Variants in SMOC1 observed in about 807,000 individuals in gnomAD.
SMOC1 encodes SPARC-related modular calcium-binding protein 1.
In SMOC1, 22 loss-of-function variants were observed where a neutral mutation model predicts 56.3. That is an observed-to-expected ratio of 0.39 (90% CI 0.28 to 0.56). The LOEUF is 0.56. SMOC1 is among the 20% of genes least tolerant of loss of function. The probability of loss-of-function intolerance (pLI) is 0.61; values close to 1 mark genes in which losing one functional copy is unlikely to be tolerated. For missense variants in SMOC1, 509 were observed against 565.4 expected, an observed-to-expected ratio of 0.90 and a Z score of 1.01; for synonymous variants, 193 against 215.0, an observed-to-expected ratio of 0.90 and a Z score of 0.89.
rs769437316 is a variant in SMOC1 at position 69,879,746 on chromosome 14, C to T, written c.68C>T (p.Pro23Leu). Residue 23 changes from proline (P) to leucine (L), a missense_variant, in exon 1 of 12, where the codon CCT (proline) becomes CTT (leucine). This residue lies in a region of SMOC1 where 315 missense variants were observed against 333.1 expected (regional missense o/e 0.95). Coordinates refer to ENST00000361956, the MANE Select transcript of SMOC1 (RefSeq NM_001034852.3). ...CTGCTGGTGTTGGTGCAGCTGTCCC[C>T]TGCTCGCGGCCACCGCACCACAGGC... ...HLLLVLVQLS[P>L]ARGHRTTGPR... is the part of the protein sequence containing the mutation. The T allele has an allele frequency of 5.6e-6, 9 of 1,593,020 alleles. No homozygotes were observed. Among genetic ancestry groups the T allele is most frequent in the African/African-American group, 1.3e-5 (1 of 74,590 alleles).
chr14:69,975,691 T>A, intron 3 of SMOC1, 24 bp from the exon 4 acceptor site: 1 of 1,564,184 alleles, frequency 6.4e-7, no homozygotes, highest in Non-Finnish European at 8.8e-7. Flanking sequence ...TATGGTTTTC[T>A]TCCCTTTTCA....
intron 1 of SMOC1, among the ~76,000 whole-genome samples, chr14:69,890,204 C>T (rs906382436): frequency 2.0e-5 from 3 of 152,080 alleles, no homozygotes; most frequent in African/African-American, 7.2e-5. Flanking sequence ...ATGATGAAGT[C>T]GCTTAATTTT....
At position 69,903,340 on chromosome 14, in the gene SMOC1, G is replaced by A. The variant is rs571334470; in HGVS notation, c.99+23563G>A. Among the ~76,000 whole-genome samples the A allele has an allele frequency of 1.2e-3, 179 of 151,806 alleles. 2 individuals carry two copies. Among genetic ancestry groups the A allele is most frequent in the East Asian group, 5.1e-3 (26 of 5,130 alleles). On this transcript the variant is annotated intron_variant, in intron 1 of 11. Transcript: ENST00000361956. Reference sequence around the variant, plus strand: ...TGAGAACTGAGGAGCCCCTCCGCCCGGCAGCCGCTCCGTCTGAGAAGTGAG... The same window carrying A: ...TGAGAACTGAGGAGCCCCTCCGCCCAGCAGCCGCTCCGTCTGAGAAGTGAG...
At chr14:69,967,832 T>C (rs1883626364) in intron 3 of SMOC1, among the ~76,000 whole-genome samples, 1 of 152,222 alleles carries the variant, frequency 6.6e-6, no homozygotes, top group Non-Finnish European at 1.5e-5. Flanking sequence ...TGTTTTCCCT[T>C]CTACTCCTGT....
At chr14:69,928,310 T>G (rs1358200106) in intron 1 of SMOC1, among the ~76,000 whole-genome samples, 1 of 152,234 alleles carries the variant, frequency 6.6e-6, no homozygotes, top group Non-Finnish European at 1.5e-5. Flanking sequence ...CTCTGATTTA[T>G]TTCGAGATTT....
At chr14:69,971,143 C>G (rs141763725) in intron 3 of SMOC1, among the ~76,000 whole-genome samples, 1 of 152,134 alleles carries the variant, frequency 6.6e-6, no homozygotes, top group Non-Finnish European at 1.5e-5. Flanking sequence ...TTCGGCCTCC[C>G]GAGTAGCTGG....
chr14:69,924,257 C>T (rs1884929849), intron 1 of SMOC1, among the ~76,000 whole-genome samples: 1 of 152,220 alleles, frequency 6.6e-6, no homozygotes, highest in Non-Finnish European at 1.5e-5. Context: ...CTGTTGACCT[C>T]ACCTCCCAAA....
intron 4 of SMOC1, 110 bp from the exon 5 acceptor site, chr14:69,977,808 C>G (rs949011591): frequency 7.2e-6 from 6 of 829,500 alleles, no homozygotes; most frequent in Non-Finnish European, 1.1e-5. Flanking sequence ...GTATACAATA[C>G]ATATATACAT....
intron 1 of SMOC1, among the ~76,000 whole-genome samples, chr14:69,884,769 T>C (rs1883747763): frequency 6.6e-6 from 1 of 152,182 alleles, no homozygotes; most frequent in African/African-American, 2.4e-5. Flanking sequence ...TTGGGCTCTG[T>C]CTTCTGTTCC....
chr14:69,933,987 AAC>A (rs1369513072), intron 1 of SMOC1, among the ~76,000 whole-genome samples: 1 of 152,198 alleles, frequency 6.6e-6, no homozygotes, highest in Non-Finnish European at 1.5e-5. Flanking sequence ...AGATTTTTCA[AAC>A]AGTTTTTATG....
chr14:69,921,631 G>A (rs981637224), intron 1 of SMOC1, among the ~76,000 whole-genome samples: 2 of 152,170 alleles, frequency 1.3e-5, no homozygotes, highest in Admixed American at 6.5e-5. Context: ...ATTCTGGGGA[G>A]GGTGAGGGCT....
chr14:70,025,792 A>G (rs1244070014), intron 11 of SMOC1, among the ~76,000 whole-genome samples: 12 of 152,206 alleles, frequency 7.9e-5, no homozygotes, highest in African/African-American at 1.7e-4. Context: ...TCAATTCAGT[A>G]CAAATTACTG....
At chr14:69,911,486 C>G (rs1193621149) in intron 1 of SMOC1, among the ~76,000 whole-genome samples, 1 of 152,202 alleles carries the variant, frequency 6.6e-6, no homozygotes, top group East Asian at 1.9e-4. Context: ...TGCTCCGCAC[C>G]CCAAATCTCT....
At chr14:69,972,202 A>T (rs1487421464) in intron 3 of SMOC1, among the ~76,000 whole-genome samples, 1 of 152,128 alleles carries the variant, frequency 6.6e-6, no homozygotes, top group Non-Finnish European at 1.5e-5. Context: ...GAGGTGCTGG[A>T]AGGCCGGCTG....
chr14:69,993,061 G>T (rs1884619415), intron 6 of SMOC1, among the ~76,000 whole-genome samples: 1 of 152,188 alleles, frequency 6.6e-6, no homozygotes, highest in African/African-American at 2.4e-5. Flanking sequence ...TGGTGGGGAG[G>T]AGTCTGAGTG....
At chr14:69,938,100 G>A (rs375895257) in intron 1 of SMOC1, among the ~76,000 whole-genome samples, 1 of 152,158 alleles carries the variant, frequency 6.6e-6, no homozygotes, top group African/African-American at 2.4e-5. Flanking sequence ...ATGAAGATGA[G>A]CCTGTGTGTA....
chr14:70,013,135 G>C (rs923647645), intron 9 of SMOC1, among the ~76,000 whole-genome samples: 1 of 152,186 alleles, frequency 6.6e-6, no homozygotes, highest in Non-Finnish European at 1.5e-5. Context: ...TGGTGCCTGA[G>C]TTGATGTCTA....
chr14:69,994,857 C>T (rs1884710175), intron 7 of SMOC1, among the ~76,000 whole-genome samples: 1 of 152,094 alleles, frequency 6.6e-6, no homozygotes, highest in African/African-American at 2.4e-5. Context: ...TAGGTGCTTA[C>T]AGTCATGTCT....
intron 1 of SMOC1, chr14:69,885,540 T>C: frequency 6.3e-7 from 1 of 1,597,634 alleles, no homozygotes; most frequent in East Asian, 2.2e-5. Context: ...AAGGCGACAG[T>C]GGTGCAGGTC....
Sources: gnomAD v4.1 joint callset for allele counts (sites outside exome capture counted in the v4.1 genomes callset) on GRCh38, gnomAD v4.1.1 for gene constraint, gnomAD v4.1.1 regional missense constraint, MANE v1.5 for transcripts, NCBI Gene and HGNC (gene_info 2026-07-23, HGNC 2026-07-21) for gene names.